Variants in AOPEP observed in about 807,000 individuals in gnomAD.
AOPEP encodes aminopeptidase O.
In AOPEP, 77 loss-of-function variants were observed where a neutral mutation model predicts 98.1. That is an observed-to-expected ratio of 0.78 (90% CI 0.65 to 0.95). The LOEUF (loss-of-function observed/expected upper bound fraction) is 0.95, where lower values mean the gene tolerates loss of function less well. Ranked by LOEUF, AOPEP falls within the 40% of genes least tolerant of loss-of-function variation. The probability of loss-of-function intolerance (pLI) is 0.00; values close to 1 mark genes in which losing one functional copy is unlikely to be tolerated. For synonymous variants in AOPEP, 346 were observed against 365.3 expected (o/e 0.95, Z 0.60); for missense variants, 1,024 against 1,024.7 (o/e 1.00, Z 0.01).
intron 13 of AOPEP, among the ~76,000 whole-genome samples, chr9:95,043,809 C>T (rs1395569249): frequency 2.6e-5 from 4 of 152,120 alleles, no homozygotes; most frequent in African/African-American, 7.2e-5. Context: ...GGACTACAGG[C>T]GCATGCCACC....
At chr9:94,990,011 C>G (rs948094435) in intron 11 of AOPEP, among the ~76,000 whole-genome samples, 40 of 152,262 alleles carry the variant, frequency 2.6e-4, no homozygotes, top group African/African-American at 8.9e-4. Flanking sequence ...GGGCACAGAC[C>G]CTGCCCATGA....
the AOPEP span, chr9:95,123,907 T>C: frequency 4.6e-6 from 2 of 437,556 alleles, no homozygotes; most frequent in Admixed American, 6.2e-5. Context: ...GACTATTCTC[T>C]TGAGAAAAAT....
intron 4 of AOPEP, among the ~76,000 whole-genome samples, chr9:94,796,948 G>C (rs1847084350): frequency 6.6e-6 from 1 of 152,164 alleles, no homozygotes; most frequent in African/African-American, 2.4e-5. Context: ...AAGGAACTTA[G>C]CAAAAATGAT....
At chr9:94,828,270 T>A (rs918553431) in intron 5 of AOPEP, among the ~76,000 whole-genome samples, 1 of 152,234 alleles carries the variant, frequency 6.6e-6, no homozygotes, top group Non-Finnish European at 1.5e-5. Flanking sequence ...TGGTGTCATA[T>A]TTAAGAATTC....
intron 5 of AOPEP, among the ~76,000 whole-genome samples, chr9:94,901,571 G>GA (rs972687020): frequency 1.3e-5 from 2 of 152,000 alleles, no homozygotes; most frequent in Non-Finnish European, 1.5e-5. Flanking sequence ...AGCCACAAGA[G>GA]AAAAAACAAA....
intron 1 of AOPEP, among the ~76,000 whole-genome samples, chr9:94,734,427 G>A (rs1445616474): frequency 1.3e-5 from 2 of 152,174 alleles, no homozygotes; most frequent in Admixed American, 6.5e-5. Context: ...CTTATACTTG[G>A]AGTTGCCAAG....
intron 5 of AOPEP, among the ~76,000 whole-genome samples, chr9:94,853,437 G>A (rs1215044855): frequency 2.6e-5 from 4 of 151,920 alleles, no homozygotes; most frequent in Non-Finnish European, 1.5e-5. Flanking sequence ...TCCAGCGTGG[G>A]CAACAGAGTG....
intron 5 of AOPEP, among the ~76,000 whole-genome samples, chr9:94,806,036 G>T (rs1795728462): frequency 6.6e-6 from 1 of 152,100 alleles, no homozygotes; most frequent in African/African-American, 2.4e-5. Context: ...TTGAATTTTT[G>T]ATCCCTCAAA....
chr9:94,864,593 C>T lies in AOPEP; in HGVS notation c.1365-59393C>T, dbSNP rs141060605. On this transcript the variant is annotated intron_variant, in intron 5 of 16. Coordinates refer to ENST00000375315, the MANE Select transcript of AOPEP (RefSeq NM_001193329.3). Reference sequence around the variant, plus strand: ...AGGTTTTATTTATATAATATGAATGCACATTTTCAGGAGCCATTTATTTAA... The same window carrying T: ...AGGTTTTATTTATATAATATGAATGTACATTTTCAGGAGCCATTTATTTAA... Among the ~76,000 whole-genome samples the T allele has an allele frequency of 4.0e-3, 604 of 152,060 alleles. 4 individuals carry two copies. The highest frequency in any genetic ancestry group is 6.4e-3 in the South Asian group (31 of 4,814).
At chr9:94,778,330 C>T (rs558214048) in intron 3 of AOPEP, among the ~76,000 whole-genome samples, 2 of 152,076 alleles carry the variant, frequency 1.3e-5, no homozygotes, top group East Asian at 1.9e-4. Context: ...GTCCACAAAA[C>T]GATTAATACC....
the AOPEP span, chr9:95,111,017 C>A: frequency 7.0e-7 from 1 of 1,437,694 alleles, no homozygotes; most frequent in Non-Finnish European, 9.1e-7. Context: ...GTTGACTGAT[C>A]CAAGAAAGGA....
intron 4 of AOPEP, 50 bp from the exon 5 acceptor site, chr9:94,800,707 A>G (rs753593600): frequency 6.2e-7 from 1 of 1,603,344 alleles, no homozygotes; most frequent in East Asian, 2.2e-5. Context: ...CCTCACCTCC[A>G]CAGCAAGAAT....
At chr9:95,023,475 T>A (rs1255930683) in intron 13 of AOPEP, among the ~76,000 whole-genome samples, 1 of 152,202 alleles carries the variant, frequency 6.6e-6, no homozygotes, top group Non-Finnish European at 1.5e-5. Context: ...TCTGCCCTAG[T>A]CAAATACTGC....
chr9:94,945,901 T>A (rs999766787), intron 7 of AOPEP, among the ~76,000 whole-genome samples: 1 of 152,212 alleles, frequency 6.6e-6, no homozygotes, highest in African/African-American at 2.4e-5. Context: ...TCAGGTTCTC[T>A]GTATTCCTGT....
intron 2 of AOPEP, among the ~76,000 whole-genome samples, chr9:94,770,986 C>A (rs1252470495): frequency 6.6e-6 from 1 of 152,200 alleles, no homozygotes; most frequent in Admixed American, 6.5e-5. Context: ...ACATCACTTA[C>A]TAAGTCCTGA....
chr9:94,770,190 G>A (rs908801703), intron 2 of AOPEP, among the ~76,000 whole-genome samples: 24 of 152,126 alleles, frequency 1.6e-4, no homozygotes, highest in African/African-American at 5.1e-4. Context: ...AATTAAACAG[G>A]TGCATGCCCT....
chr9:95,093,035 G>GT, the AOPEP span, among the ~76,000 whole-genome samples: 1 of 152,252 alleles, frequency 6.6e-6, no homozygotes, highest in Non-Finnish European at 1.5e-5. Context: ...GTCCGTTTCA[G>GT]TGATTGCTGA....
intron 5 of AOPEP, among the ~76,000 whole-genome samples, chr9:94,908,591 T>A (rs2051526731): frequency 1.3e-5 from 2 of 152,272 alleles, no homozygotes; most frequent in East Asian, 1.9e-4. Context: ...GTAATCATCA[T>A]ACACAAAACC....
chr9:95,097,328 G>A, the AOPEP span, among the ~76,000 whole-genome samples: 2 of 152,214 alleles, frequency 1.3e-5, no homozygotes, highest in Non-Finnish European at 2.9e-5. Context: ...CTGTAGTTGG[G>A]TGATGCTTTT....
Sources: gnomAD v4.1 joint callset for allele counts (sites outside exome capture counted in the v4.1 genomes callset) on GRCh38, gnomAD v4.1.1 for gene constraint, MANE v1.5 for transcripts, NCBI Gene and HGNC (gene_info 2026-07-23, HGNC 2026-07-21) for gene names.